Variants in SPTSSA observed in about 807,000 individuals in gnomAD.
SPTSSA encodes the protein small subunit of serine palmitoyltransferase A.
In SPTSSA, 8 loss-of-function variants were observed where a neutral mutation model predicts 9.1. The observed-to-expected ratio is 0.88, with a 90% CI of 0.51 to 1.58. The LOEUF (loss-of-function observed/expected upper bound fraction) is 1.58. Ranked by LOEUF, SPTSSA falls within the 40% of genes most tolerant of loss-of-function variation. The pLI is 0.00. For synonymous variants in SPTSSA, 42 were observed against 37.7 expected, an observed-to-expected ratio of 1.11 and a Z score of -0.41; for missense variants, 100 against 93.8, an observed-to-expected ratio of 1.07 and a Z score of -0.27.
chr14:34,448,423 G>A (rs1405764944), intron 1 of SPTSSA, among the ~76,000 whole-genome samples: 4 of 152,034 alleles, frequency 2.6e-5, no homozygotes, highest in Non-Finnish European at 5.9e-5. Flanking sequence ...TCAAAGTGGG[G>A]AGATGAGGCA....
At chr14:34,455,375 A>G (rs1370596210) in intron 1 of SPTSSA, among the ~76,000 whole-genome samples, 1 of 152,064 alleles carries the variant, frequency 6.6e-6, no homozygotes, top group African/African-American at 2.4e-5. Flanking sequence ...GAAAAGAGCG[A>G]AACTGTCTCA....
chr14:34,440,865 G>C (rs1224013940), intron 1 of SPTSSA, among the ~76,000 whole-genome samples: 2 of 145,802 alleles, frequency 1.4e-5, no homozygotes, highest in East Asian at 4.0e-4. Context: ...TGGGCAACAA[G>C]AACAAAAATC....
rs568515732 is a variant in SPTSSA, at chr14:34,442,966, G to A, written c.113-7662C>T. Among the ~76,000 whole-genome samples the A allele has an allele frequency of 2.7e-5, 4 of 150,358 alleles. No individual in the cohort carries two copies. The South Asian group carries it at 6.3e-4, about 24-fold the overall frequency. The stretch of plus-strand genomic sequence containing the variant: ...TACATGTCTAGGGGGGTGTGTGTGT[G>A]TGTGTGTGTGTGTGTGTGAGATGGA... On this transcript the variant is annotated intron_variant, in intron 1 of 1. Coordinates refer to ENST00000298130, the MANE Select transcript of SPTSSA (RefSeq NM_138288.4).
intron 1 of SPTSSA, among the ~76,000 whole-genome samples, chr14:34,452,110 G>A (rs987268600): frequency 2.0e-5 from 3 of 151,848 alleles, no homozygotes; most frequent in African/African-American, 7.3e-5. Flanking sequence ...TTAGCCAGAC[G>A]CAGTGACGCA....
At position 34,435,420 on chromosome 14, in the gene SPTSSA, T is replaced by C. The variant is rs543071664; in HGVS notation, c.113-116A>G. ...CATTCACTTAGTGCTTTCTCATTTA[T>C]ATCAAGCACTGATAAAAAAAACAAC... On this transcript the variant is annotated intron_variant, in intron 1 of 1. Coordinates refer to ENST00000298130, the MANE Select transcript of SPTSSA (RefSeq NM_138288.4). The C allele has an allele frequency of 1.5e-5, 9 of 610,692 alleles. No homozygotes were observed. In the East Asian group the frequency reaches 2.7e-4, roughly 18 times the overall value. 37.8% of individuals were successfully genotyped at this position (610,692 alleles called of 1,614,324 possible).
At chr14:34,447,400 G>A (rs1883440458) in intron 1 of SPTSSA, among the ~76,000 whole-genome samples, 1 of 152,068 alleles carries the variant, frequency 6.6e-6, no homozygotes, top group South Asian at 2.1e-4. Flanking sequence ...TCTCCCTGGA[G>A]TGCTGTATTC....
intron 1 of SPTSSA, among the ~76,000 whole-genome samples, chr14:34,458,997 C>A (rs1057484854): frequency 4.1e-5 from 6 of 144,718 alleles, no homozygotes; most frequent in Admixed American, 2.7e-4. Context: ...CTCCGCCTCC[C>A]GGGTTCAAGC....
At chr14:34,451,790 T>G (rs915571449) in intron 1 of SPTSSA, among the ~76,000 whole-genome samples, 6 of 148,944 alleles carry the variant, frequency 4.0e-5, no homozygotes, top group African/African-American at 1.2e-4. Context: ...TTGTGATAAA[T>G]CTAAGAAATC....
intron 1 of SPTSSA, among the ~76,000 whole-genome samples, chr14:34,459,729 C>T (rs28503702): frequency 0.088 from 13,430 of 152,080 alleles, 1,211 homozygotes; most frequent in African/African-American, 0.23. Context: ...TGCAGTGAGC[C>T]AAGATGGCGA....
At chr14:34,460,424 G>A (rs1419884759) in intron 1 of SPTSSA, among the ~76,000 whole-genome samples, 2 of 151,780 alleles carry the variant, frequency 1.3e-5, no homozygotes, top group African/African-American at 4.8e-5. Context: ...ATCTACTAAG[G>A]CACTATATTT....
intron 1 of SPTSSA, among the ~76,000 whole-genome samples, chr14:34,435,623 C>CTCTTTTTTTTTT (rs1883229026): frequency 8.7e-5 from 8 of 92,470 alleles, no homozygotes; most frequent in African/African-American, 3.7e-4. Flanking sequence ...GTTTGTTTCT[C>CTCTTTTTTTTTT]TTTTTTTTTT....
chr14:34,459,665 C>T (rs1422291726), intron 1 of SPTSSA, among the ~76,000 whole-genome samples: 3 of 151,148 alleles, frequency 2.0e-5, no homozygotes, highest in Non-Finnish European at 2.9e-5. Context: ...CCTGTAATCC[C>T]GGCTATTCTG....
intron 1 of SPTSSA, 23 bp downstream of exon 1, chr14:34,462,073 C>T: frequency 7.3e-7 from 1 of 1,363,470 alleles, no homozygotes; most frequent in Non-Finnish European, 9.6e-7. Flanking sequence ...CCGGCCCCCG[C>T]GCGCGCGGCC....
intron 1 of SPTSSA, among the ~76,000 whole-genome samples, chr14:34,456,285 G>A (rs943506376): frequency 6.6e-6 from 1 of 152,068 alleles, no homozygotes; most frequent in African/African-American, 2.4e-5. Flanking sequence ...TCGCGTCATT[G>A]CACTCCAGCC....
At chr14:34,446,684 T>A (rs1883427974) in intron 1 of SPTSSA, among the ~76,000 whole-genome samples, 1 of 152,224 alleles carries the variant, frequency 6.6e-6, no homozygotes, top group African/African-American at 2.4e-5. Context: ...TATTTGGCTC[T>A]TTTTCCATGG....
chr14:34,453,075 A>G (rs1165229689), intron 1 of SPTSSA, among the ~76,000 whole-genome samples: 4 of 152,218 alleles, frequency 2.6e-5, no homozygotes, highest in Non-Finnish European at 2.9e-5. Context: ...TATATAATAC[A>G]TATAACATAC....
At chr14:34,451,655 G>A (rs1445163661) in intron 1 of SPTSSA, among the ~76,000 whole-genome samples, 1 of 150,878 alleles carries the variant, frequency 6.6e-6, no homozygotes, top group East Asian at 1.9e-4. Flanking sequence ...CTCGGGAGGC[G>A]GAGCTTGCAG....
In SPTSSA at chr14:34,443,357, T is replaced by A. The variant is rs1370170603; in HGVS notation, c.113-8053A>T. ...TCCTGCTTCTAGGGGAGGGTGTGAG[T>A]GTGTGTGTGTGTGTGTGTGTGTGTG... On this transcript the variant is annotated intron_variant, in intron 1 of 1. Transcript: ENST00000298130. Among the ~76,000 whole-genome samples, 67 of 13,844 alleles carry A rather than the reference T, an allele frequency of 4.8e-3. 1 individual carries two copies. The highest frequency in any genetic ancestry group is 0.022 in the African/African-American group (55 of 2,524). 9.1% of individuals were successfully genotyped at this position (13,844 alleles called of 152,430 possible). A position where few individuals can be genotyped will look rare whatever the true frequency, so the allele number is the denominator to read the frequency against.
intron 1 of SPTSSA, among the ~76,000 whole-genome samples, chr14:34,441,974 C>G (rs896712422): frequency 1.3e-5 from 2 of 152,188 alleles, no homozygotes; most frequent in African/African-American, 4.8e-5. Flanking sequence ...CTCCCGGGTT[C>G]AAGCAGTTCT....
Sources: allele counts gnomAD v4.1 joint callset (sites outside exome capture counted in the v4.1 genomes callset), GRCh38; gene constraint gnomAD v4.1.1; transcripts MANE v1.5; gene names NCBI Gene and HGNC (gene_info 2026-07-23, HGNC 2026-07-21).